The following PDE4DIP variants were observed in gnomAD, a reference collection of about 807,000 sequenced individuals.
PDE4DIP encodes myomegalin.
PDE4DIP carries 59 observed loss-of-function variants against 221.4 expected under a neutral mutation model. The ratio of observed to expected loss-of-function variants is 0.27; its 90% confidence interval spans 0.22 to 0.33. The LOEUF is 0.33. Ranked by LOEUF, PDE4DIP falls within the 10% of genes least tolerant of loss-of-function variation. The probability of loss-of-function intolerance (pLI) is 1.00; values close to 1 mark genes in which losing one functional copy is unlikely to be tolerated. For synonymous variants in PDE4DIP, 404 were observed against 815.9 expected (o/e 0.50, Z 8.60); for missense variants, 1,036 against 2,154.2 (o/e 0.48, Z 10.28).
rs587773996 is a variant in PDE4DIP, at chr1:149,013,959, T to G, written c.5266+1183T>G. ...TGTGTCACCACACCTGGCTAATTTT[T>G]GTATTTTTTGTAGAGACAGGGTTTC... On this transcript the variant is annotated intron_variant, in intron 32 of 43. Coordinates refer to ENST00000369354, the Ensembl canonical transcript of PDE4DIP. Among the ~76,000 whole-genome samples the G allele has an allele frequency of 7.2e-5, 11 of 152,064 alleles. No individual in the cohort carries two copies. The South Asian group carries it at 2.1e-3, about 29-fold the overall frequency.
intron 5 of PDE4DIP, chr1:148,952,224 C>A: frequency 9.8e-7 from 1 of 1,022,204 alleles, no homozygotes; most frequent in Non-Finnish European, 1.2e-6. Context: ...CCGCACTCGC[C>A]GTGAGCCAGG....
At chr1:148,820,404 T>A (rs587628881) in intron 1 of PDE4DIP, among the ~76,000 whole-genome samples, 1 of 146,486 alleles carries the variant, frequency 6.8e-6, no homozygotes, top group African/African-American at 2.6e-5. Context: ...CCCTCTCTAC[T>A]AAAAATACAA....
chr1:148,973,498 A>T (rs1241015105), intron 16 of PDE4DIP, among the ~76,000 whole-genome samples: 1 of 152,210 alleles, frequency 6.6e-6, no homozygotes, highest in Non-Finnish European at 1.5e-5. Flanking sequence ...GTGTATTTGT[A>T]TATATGTGAA....
intron 20 of PDE4DIP, 23 bp downstream of exon 23, chr1:148,979,872 T>G (rs1553540870): frequency 6.2e-7 from 1 of 1,606,424 alleles, no homozygotes; most frequent in Non-Finnish European, 8.5e-7. Flanking sequence ...CTGTTTTTTC[T>G]TTTATTCTTT....
intron 22 of PDE4DIP, among the ~76,000 whole-genome samples, chr1:148,995,865 TA>T (rs2152425057): frequency 7.7e-6 from 1 of 129,066 alleles, no homozygotes; most frequent in African/African-American, 2.9e-5. Flanking sequence ...AGTATAATAA[TA>T]ATAAAATAAA....
chr1:148,971,356 A>T (rs1219013632), intron 14 of PDE4DIP, among the ~76,000 whole-genome samples: 1 of 150,454 alleles, frequency 6.6e-6, no homozygotes, highest in Non-Finnish European at 1.5e-5. Flanking sequence ...GAGATCTATT[A>T]GATAATGGTA....
chr1:148,933,028 C>A (rs1416029267), intron 4 of PDE4DIP, among the ~76,000 whole-genome samples: 6 of 152,068 alleles, frequency 3.9e-5, no homozygotes, highest in African/African-American at 1.4e-4. Context: ...GTGACTTGAT[C>A]TAGGACTTCC....
At chr1:148,906,000 C>CTTGGTTAT in intron 1 of PDE4DIP, among the ~76,000 whole-genome samples, 1 of 116,000 alleles carries the variant, frequency 8.6e-6, no homozygotes, top group Non-Finnish European at 1.8e-5. Context: ...CTGCTCTGAT[C>CTTGGTTAT]TTGGTTATTT....
intron 43 of PDE4DIP, among the ~76,000 whole-genome samples, 178 bp from the exon 47 acceptor site, chr1:149,031,766 A>G (rs1553638135): frequency 6.7e-6 from 1 of 149,450 alleles, no homozygotes; most frequent in African/African-American, 2.5e-5. Flanking sequence ...GGCTCCCCCT[A>G]ACCTCGGGCA....
chr1:149,032,274 A>G (rs1559479145), exon 44 of PDE4DIP: 5 of 600,178 alleles, frequency 8.3e-6, no homozygotes, highest in Non-Finnish European at 1.5e-5. Context: ...AGGTTTTGTG[A>G]TCCTGCCTCT....
exon 44 of PDE4DIP, chr1:149,032,403 C>T (rs868938010): frequency 4.3e-6 from 2 of 462,868 alleles, no homozygotes; most frequent in South Asian, 2.3e-5. Context: ...CACGTGGTCC[C>T]AATGCTGGAG....
At chr1:148,998,443 C>T in intron 23 of PDE4DIP, 68 bp downstream of exon 26, 1 of 718,730 alleles carries the variant, frequency 1.4e-6, no homozygotes, top group Non-Finnish European at 2.5e-6. Context: ...GGGTGCCTAT[C>T]CCAGGCTCCA....
intron 21 of PDE4DIP, among the ~76,000 whole-genome samples, chr1:148,986,925 T>A (rs782717991): frequency 8.5e-5 from 13 of 152,170 alleles, no homozygotes; most frequent in Non-Finnish European, 1.9e-4. Context: ...GGTGCAGTGG[T>A]CATATCTCCT....
chr1:148,885,949 T>A (rs587618322), upstream of PDE4DIP, among the ~76,000 whole-genome samples: 36 of 89,292 alleles, frequency 4.0e-4, 1 homozygote, highest in African/African-American at 1.4e-3. Context: ...ACAGATGATA[T>A]GTAGGAGAGA....
chr1:149,023,671 T>C lies in PDE4DIP; in HGVS notation c.6086-774T>C, dbSNP rs1424210671. Reference sequence around the variant, plus strand: ...ATATGTACATGTATATGTGTGCACATATATATGTACATGTATATGTGTGCA... The same window carrying C: ...ATATGTACATGTATATGTGTGCACACATATATGTACATGTATATGTGTGCA... On this transcript the variant is annotated intron_variant, in intron 37 of 43. Transcript: ENST00000369354. 1.0e-3 allele frequency among the ~76,000 whole-genome samples: 120 copies of C among 115,760 alleles called. 4 individuals are homozygous for C. Among genetic ancestry groups the C allele is most frequent in the African/African-American group, 4.0e-3 (111 of 28,000 alleles). The allele number at this position is 115,760 out of a possible 152,430, so 75.9% of individuals were successfully genotyped here.
At chr1:149,029,695 G>A (rs1559452864) in intron 41 of PDE4DIP, 92 bp from the exon 45 acceptor site, 1 of 775,272 alleles carries the variant, frequency 1.3e-6, no homozygotes, top group Non-Finnish European at 2.2e-6. Flanking sequence ...TGAGAAGACT[G>A]TAGAATCCTT....
chr1:148,953,471 G>GT, intron 5 of PDE4DIP: 1 of 1,607,654 alleles, frequency 6.2e-7, no homozygotes, highest in Non-Finnish European at 8.5e-7. Flanking sequence ...CCCAGATGGA[G>GT]AAAGCATGGA....
In PDE4DIP at chr1:149,020,923, T is replaced by C. The variant is rs587697602; in HGVS notation, c.5961-106T>C. On this transcript the variant is annotated intron_variant, in intron 36 of 43. Transcript: ENST00000369354. The stretch of plus-strand genomic sequence containing the variant: ...TCTGGGGCTCAGATGTAACCCTAAC[T>C]GTAACCCTTTATGACCCTCTGAGTT... 8.6e-4 allele frequency: 552 copies of C among 638,780 alleles called. 1 individual carries two copies. Among genetic ancestry groups the C allele is most frequent in the African/African-American group, 4.1e-3 (224 of 55,118 alleles). 39.6% of individuals were successfully genotyped at this position (638,780 alleles called of 1,614,324 possible).
intron 1 of PDE4DIP, among the ~76,000 whole-genome samples, chr1:148,917,175 G>GC (rs2044281970): frequency 6.6e-6 from 1 of 151,776 alleles, no homozygotes; most frequent in African/African-American, 2.4e-5. Flanking sequence ...GCTCAGTTGG[G>GC]CCACATCAAC....
Sources: gnomAD v4.1 joint callset for allele counts (sites outside exome capture counted in the v4.1 genomes callset) on GRCh38, gnomAD v4.1.1 for gene constraint, MANE v1.5 for transcripts, NCBI Gene and HGNC (gene_info 2026-07-23, HGNC 2026-07-21) for gene names.